FAT2: variants seen among roughly 807,000 people sequenced by gnomAD.
The protein encoded by FAT2 is protocadherin Fat 2.
Under a neutral mutation model 295.3 loss-of-function variants are expected in FAT2, and 150 were observed. That is an observed-to-expected ratio of 0.51 (90% CI 0.44 to 0.58). The LOEUF (loss-of-function observed/expected upper bound fraction) is 0.58. Ranked by LOEUF, FAT2 falls within the 20% of genes least tolerant of loss-of-function variation. The pLI is 0.00. For synonymous variants in FAT2, 2,026 were observed against 2,150.3 expected (o/e 0.94, Z 1.60); for missense variants, 4,868 against 5,442.7 (o/e 0.89, Z 3.32).
chr5:151,572,786 A>G (rs2127653953), intron 1 of FAT2, among the ~76,000 whole-genome samples: 1 of 152,310 alleles, frequency 6.6e-6, no homozygotes, highest in East Asian at 1.9e-4. Context: ...GCCTCTGGAG[A>G]AGGTCCAGCC....
In FAT2 at chr5:151,545,988, G is replaced by C. The variant is rs566301375; in HGVS notation, c.5139C>G (p.Ser1713=). The C allele has an allele frequency of 6.2e-7, 1 of 1,613,940 alleles. No homozygotes were observed. The highest frequency in any genetic ancestry group is 8.5e-7 in the Non-Finnish European group (1 of 1,180,030). Residue 1713 remains serine, a synonymous_variant, in exon 10 of 24, where the codon TCC becomes TCG. Coordinates refer to ENST00000261800, the MANE Select transcript of FAT2 (RefSeq NM_001447.3). ...TCTCATGGTCCAATTTCTTCTGGGT[G>C]GAAATAAGGCCAGAATATGAGTTCA... ...FSMNSYSGLI[S]TQKKLDHEKI... is the part of the protein sequence containing the mutation.
At chr5:151,532,521 A>G (rs1205877698) in intron 13 of FAT2, among the ~76,000 whole-genome samples, 1 of 152,194 alleles carries the variant, frequency 6.6e-6, no homozygotes, top group Non-Finnish European at 1.5e-5. Flanking sequence ...ATATTATCCT[A>G]CTGCTATGTA....
At chr5:151,546,995 C>A (rs1390356792) in intron 9 of FAT2, among the ~76,000 whole-genome samples, 1 of 152,174 alleles carries the variant, frequency 6.6e-6, no homozygotes, top group Non-Finnish European at 1.5e-5. Context: ...ATTCTCACAT[C>A]ACCTTTATAA....
intron 1 of FAT2, among the ~76,000 whole-genome samples, chr5:151,573,687 AT>A (rs1229107431): frequency 6.6e-6 from 1 of 152,146 alleles, no homozygotes; most frequent in African/African-American, 2.4e-5. Context: ...TTTCAGACAA[AT>A]TATTCCGTCA....
intron 1 of FAT2, among the ~76,000 whole-genome samples, chr5:151,573,524 T>C (rs1758620910): frequency 6.6e-6 from 1 of 152,108 alleles, no homozygotes; most frequent in African/African-American, 2.4e-5. Context: ...CGCAGTGGCA[T>C]GTGCCTATAA....
At chr5:151,525,608 G>C (rs960034771) in intron 18 of FAT2, among the ~76,000 whole-genome samples, 160 bp downstream of exon 18, 4 of 152,198 alleles carry the variant, frequency 2.6e-5, no homozygotes, top group Non-Finnish European at 5.9e-5. Flanking sequence ...CCTGCCCTGA[G>C]TGTTATGAGG....
Position 151,583,997 on chromosome 5 carries a change from CAAAAAAA to C in FAT2, c.-21+7161_-21+7167del, listed in dbSNP as rs35453556. 2.0e-3 allele frequency among the ~76,000 whole-genome samples: 91 copies of C among 46,074 alleles called. 2 individuals carry two copies. Among genetic ancestry groups the C allele is most frequent in the African/African-American group, 8.8e-3 (90 of 10,186 alleles). 30.2% of individuals were successfully genotyped at this position (46,074 alleles called of 152,430 possible). On this transcript the variant is annotated intron_variant, in intron 1 of 23. Coordinates refer to ENST00000261800, the MANE Select transcript of FAT2 (RefSeq NM_001447.3). ...TGGGTGACGGAGTGAGGCTCTGTCT[CAAAAAAA>C]AAAAAAAAAAAAAAAAAAAGTTTTT...
rs778219876 is a variant in FAT2 at position 151,542,330 on chromosome 5, C to T, written c.8797G>A (p.Ala2933Thr). Residue 2933 changes from alanine (A) to threonine (T), a missense_variant, in exon 10 of 24, where the codon GCT becomes ACT. By Grantham distance (58) the Ala-to-Thr change is moderately conservative (BLOSUM62 0). This residue lies in a region of FAT2 where 3,297 missense variants were observed against 3,669.4 expected (regional missense o/e 0.90). Coordinates refer to ENST00000261800, the MANE Select transcript of FAT2 (RefSeq NM_001447.3). ...ELVATLKTLDADISEQNRQVT... is the reference protein window; with the variant it reads ...ELVATLKTLDTDISEQNRQVT... Reference sequence around the variant, plus strand: ...TGCCTGTTCTGCTCAGAAATGTCAGCATCCAGGGTCTTTAGAGTCGCCACC... The same window carrying T: ...TGCCTGTTCTGCTCAGAAATGTCAGTATCCAGGGTCTTTAGAGTCGCCACC... 8 of 1,612,652 alleles carry T rather than the reference C, an allele frequency of 5.0e-6. No individual in the cohort carries two copies. The East Asian group carries it at 1.6e-4, about 31-fold the overall frequency.
rs1756436666 is a variant in FAT2 at position 151,544,505 on chromosome 5, C to T, written c.6622G>A (p.Val2208Met). 1.9e-6 allele frequency: 3 copies of T among 1,614,004 alleles called. No homozygotes were observed. Among genetic ancestry groups the T allele is most frequent in the Non-Finnish European group, 2.5e-6 (3 of 1,180,018 alleles). The change falls in exon 10 of 24, where the codon GTG becomes ATG. Residue 2208 changes from valine to methionine, a missense_variant. By Grantham distance (21) the Val-to-Met change is conservative (BLOSUM62 1). This residue lies in a region of FAT2 where 3,297 missense variants were observed against 3,669.4 expected (regional missense o/e 0.90). Transcript: ENST00000261800. ...AACAGCATCAAGGGTTCTTCCTCCA[C>T]AATGTTGTAGATGAGCCGGAGTCCC... is the stretch of plus-strand genomic sequence containing the variant. ...PEGLRLIYNI[V>M]EEEPLMLFTT... is the part of the protein sequence containing the mutation.
In FAT2 at chr5:151,566,362, TAGCGAACCCTGCCATTGTCTTCCG is replaced by T; in HGVS notation, c.2546_2569del (p.Ser849_Arg856del). 1 of 1,614,066 alleles carries T rather than the reference TAGCGAACCCTGCCATTGTCTTCCG, an allele frequency of 6.2e-7. No homozygotes were observed. Among genetic ancestry groups the T allele is most frequent in the East Asian group, 2.2e-5 (1 of 44,872 alleles). The stretch of plus-strand genomic sequence containing the variant: ...CTTCTCTGTGGGACTTAGCAGGGTG[TAGCGAACCCTGCCATTGTCTTCCG>T]AGTCAGCATCTTTGGTTGTCAGCTC... On this transcript the variant is annotated inframe_deletion, in exon 2 of 24. Coordinates refer to ENST00000261800, the MANE Select transcript of FAT2 (RefSeq NM_001447.3).
chr5:151,537,430 G>A (rs7446899), intron 12 of FAT2, among the ~76,000 whole-genome samples: 4 of 95,050 alleles, frequency 4.2e-5, no homozygotes, highest in African/African-American at 1.1e-4. Flanking sequence ...AAGGAAAGGA[G>A]AGGAAAGGAG....
In FAT2 at chr5:151,568,701, A is replaced by G; in HGVS notation, c.231T>C (p.Asp77=). ...CCTCAGTTTTAAATACATTGGCCAC[A>G]TCCCCAGAGATGATCCGGTACCTCA... ...WAVRYRIISG[D]VANVFKTEEY... Residue 77 remains aspartate (D), a synonymous_variant, in exon 2 of 24, where the codon GAT becomes GAC. Coordinates refer to ENST00000261800, the MANE Select transcript of FAT2 (RefSeq NM_001447.3). 6.2e-7 allele frequency: 1 copy of G among 1,614,194 alleles called. No individual in the cohort carries two copies. The highest frequency in any genetic ancestry group is 2.2e-5 in the East Asian group (1 of 44,882).
In FAT2 at chr5:151,566,969, T is replaced by C. The variant is rs141365761; in HGVS notation, c.1963A>G (p.Asn655Asp). Residue 655 changes from asparagine (N) to aspartate (D), a missense_variant, in exon 2 of 24, where the codon AAT becomes GAT. Transcript: ENST00000261800. Reference protein sequence around the residue: ...GKNYASPTTLNITVVKDPHFE... With the variant: ...GKNYASPTTLDITVVKDPHFE... Reference sequence around the variant, plus strand: ...TGAGGGTCCTTCACCACAGTAATATTCAAAGTTGTGGGTGAGGCATAGTTT... The same window carrying C: ...TGAGGGTCCTTCACCACAGTAATATCCAAAGTTGTGGGTGAGGCATAGTTT... 1.7e-5 allele frequency: 28 copies of C among 1,614,126 alleles called. No individual in the cohort carries two copies. The African/African-American group carries it at 3.6e-4, about 21-fold the overall frequency.
At chr5:151,556,039 G>A (rs534121825) in intron 4 of FAT2, among the ~76,000 whole-genome samples, 81 of 152,314 alleles carry the variant, frequency 5.3e-4, no homozygotes, top group Admixed American at 1.7e-3. Context: ...GCCTGAGCCA[G>A]GAGGGATGGA....
At chr5:151,554,249 G>A in intron 5 of FAT2, 113 bp downstream of exon 5, 1 of 961,802 alleles carries the variant, frequency 1.0e-6, no homozygotes, top group Non-Finnish European at 1.5e-6. Context: ...GGCCAGGAAG[G>A]AGAGTACCAT....
In FAT2 at chr5:151,543,047, G is replaced by T. The variant is rs149549832; in HGVS notation, c.8080C>A (p.Pro2694Thr). 2.5e-6 allele frequency: 4 copies of T among 1,614,184 alleles called. No individual in the cohort carries two copies. Among genetic ancestry groups the T allele is most frequent in the East Asian group, 2.2e-5 (1 of 44,888 alleles). ...TCAGGTGCAGAGAAAGTATACAAAG[G>T]TTCAGAAAATTTCGGTAAGGATACT... is the stretch of plus-strand genomic sequence containing the variant. Reference protein sequence around the residue: ...KKVSLPKFSEPLYTFSAPEDL... With the variant: ...KKVSLPKFSETLYTFSAPEDL... The change falls in exon 10 of 24, where the codon CCT becomes ACT. Residue 2694 changes from proline (P) to threonine (T), a missense_variant. Pro to Thr is a conservative substitution (Grantham distance 38). Coordinates refer to ENST00000261800, the MANE Select transcript of FAT2 (RefSeq NM_001447.3).
At chr5:151,515,854 A>G (rs1752812766) in intron 20 of FAT2, among the ~76,000 whole-genome samples, 2 of 152,204 alleles carry the variant, frequency 1.3e-5, no homozygotes, top group Admixed American at 1.3e-4. Flanking sequence ...CCCTTTTAAA[A>G]TAGATCATTG....
chr5:151,554,461 A>G lies in FAT2; in HGVS notation c.3846T>C (p.Ser1282=), dbSNP rs35879426. The change falls in exon 5 of 24, where the codon AGT becomes AGC. Residue 1282 remains serine (S), a synonymous_variant. Transcript: ENST00000261800. ...AGGCCTCCTCATCGCTGTCCTCGAT[A>G]CTGTAGGTGACTCTGCCATTAAGAC... ...DEGLNGRVTY[S]IEDSDEEAFS... is the part of the protein sequence containing the mutation. The G allele has an allele frequency of 2.0e-4, 320 of 1,614,184 alleles. 1 individual carries two copies. In the African/African-American group the frequency reaches 3.9e-3, roughly 20 times the overall value.
intron 12 of FAT2, 102 bp downstream of exon 12, chr5:151,537,691 G>A: frequency 8.7e-7 from 1 of 1,155,760 alleles, no homozygotes; most frequent in South Asian, 1.6e-5. Flanking sequence ...GCTGATAGAT[G>A]AGTGAATTCC....
Sources: gnomAD v4.1 joint callset for allele counts (sites outside exome capture counted in the v4.1 genomes callset) on GRCh38, gnomAD v4.1.1 for gene constraint, gnomAD v4.1.1 regional missense constraint, MANE v1.5 for transcripts, NCBI Gene and HGNC (gene_info 2026-07-23, HGNC 2026-07-21) for gene names.